Variants in TTLL11 observed in about 807,000 individuals in gnomAD.
TTLL11 encodes the protein tubulin tyrosine ligase like 11, also known as tubulin polyglutamylase TTLL11.
A neutral mutation model predicts 51.7 loss-of-function variants in TTLL11; 42 were observed. The ratio of observed to expected loss-of-function variants is 0.81; its 90% CI spans 0.64 to 1.05. The LOEUF (loss-of-function observed/expected upper bound fraction) is 1.05. TTLL11 is among the 50% of genes least tolerant of loss of function. The pLI, the probability that TTLL11 is intolerant of heterozygous loss-of-function variation, is 0.00. For missense variants in TTLL11, 799 were observed against 940.4 expected (o/e 0.85, Z 1.97); for synonymous variants, 381 against 383.5 (o/e 0.99, Z 0.08).
intron 6 of TTLL11, among the ~76,000 whole-genome samples, chr9:121,946,445 C>G (rs1841668440): frequency 1.3e-5 from 2 of 152,198 alleles, no homozygotes; most frequent in South Asian, 4.1e-4. Context: ...TCATGGCCGA[C>G]TAGGCAAAGC....
At chr9:121,839,985 C>A (rs1339609009) in intron 8 of TTLL11, among the ~76,000 whole-genome samples, 2 of 152,256 alleles carry the variant, frequency 1.3e-5, no homozygotes, top group East Asian at 3.9e-4. Context: ...AAGAATGTCA[C>A]GTTAGAGCAC....
rs1289685558 is a variant in TTLL11 at position 122,092,766 on chromosome 9, G to T, written c.383C>A (p.Pro128Gln). The change falls in exon 1 of 9, where the codon CCG becomes CAG. Residue 128 changes from proline (P) to glutamine (Q), a missense_variant. This residue lies in a region of TTLL11 where 468 missense variants were observed against 612.8 expected (regional missense o/e 0.76). Transcript: ENST00000321582. ...HGSGENGSQR[P>Q]VTVDSSKART... ...GGCCTTGGAGCTGTCCACGGTGACC[G>T]GCCGCTGGGAGCCGTTCTCGCCGGA... 2 of 1,538,514 alleles carry T rather than the reference G, an allele frequency of 1.3e-6. No homozygotes were observed. Among genetic ancestry groups the T allele is most frequent in the Non-Finnish European group, 1.7e-6 (2 of 1,147,970 alleles).
intron 4 of TTLL11, among the ~76,000 whole-genome samples, chr9:121,987,310 A>G (rs1247044880): frequency 1.3e-5 from 2 of 152,072 alleles, no homozygotes; most frequent in Non-Finnish European, 2.9e-5. Context: ...TTTTTCATAT[A>G]TATCAAATGC....
chr9:121,875,765 A>G (rs1196750768), intron 6 of TTLL11, among the ~76,000 whole-genome samples: 1 of 152,244 alleles, frequency 6.6e-6, no homozygotes, highest in Non-Finnish European at 1.5e-5. Flanking sequence ...ACTGGTAAAG[A>G]AAATATAAAT....
At chr9:121,904,895 A>G (rs1009927956) in intron 6 of TTLL11, among the ~76,000 whole-genome samples, 48 of 152,184 alleles carry the variant, frequency 3.2e-4, no homozygotes, top group African/African-American at 1.1e-3. Context: ...TGAGGCCACC[A>G]GCGTCTAGTT....
At chr9:121,865,159 C>T (rs1214763619) in intron 7 of TTLL11, among the ~76,000 whole-genome samples, 2 of 152,178 alleles carry the variant, frequency 1.3e-5, no homozygotes, top group Admixed American at 1.3e-4. Flanking sequence ...TTATCAAAGT[C>T]ACTGAGGAGT....
At chr9:121,929,340 T>C (rs56204833) in intron 6 of TTLL11, among the ~76,000 whole-genome samples, 11,693 of 151,636 alleles carry the variant, frequency 0.077, 658 homozygotes, top group African/African-American at 0.16. Context: ...CTCAGGAGGC[T>C]GAGGCAGGAA....
intron 6 of TTLL11, among the ~76,000 whole-genome samples, chr9:121,973,356 C>T (rs763057240): frequency 1.3e-5 from 2 of 152,160 alleles, no homozygotes; most frequent in Non-Finnish European, 2.9e-5. Context: ...GCAACTCTTA[C>T]CATGTCCTAG....
chr9:122,014,134 G>T (rs957784242), intron 3 of TTLL11, among the ~76,000 whole-genome samples: 21 of 152,142 alleles, frequency 1.4e-4, no homozygotes, highest in Admixed American at 2.6e-4. Flanking sequence ...GGAGGCAGAG[G>T]TGGGCAGATC....
At chr9:122,029,453 T>C (rs887006199) in intron 3 of TTLL11, among the ~76,000 whole-genome samples, 7 of 152,200 alleles carry the variant, frequency 4.6e-5, no homozygotes, top group African/African-American at 9.7e-5. Flanking sequence ...TGACCCCGTG[T>C]AGGCCTAGGC....
At chr9:121,971,703 CTT>C (rs995493434) in intron 6 of TTLL11, among the ~76,000 whole-genome samples, 30 of 126,908 alleles carry the variant, frequency 2.4e-4, no homozygotes, top group Admixed American at 1.7e-3. Flanking sequence ...ACATGGGAGA[CTT>C]TTCATTTTGT....
At chr9:121,979,676 C>G (rs1472957536) in intron 4 of TTLL11, among the ~76,000 whole-genome samples, 1 of 152,108 alleles carries the variant, frequency 6.6e-6, no homozygotes, top group Non-Finnish European at 1.5e-5. Flanking sequence ...AAACTTGCTC[C>G]TCTAATTCAT....
At chr9:121,940,512 AT>A (rs1267595547) in intron 6 of TTLL11, among the ~76,000 whole-genome samples, 1 of 151,896 alleles carries the variant, frequency 6.6e-6, no homozygotes, top group Non-Finnish European at 1.5e-5. Flanking sequence ...TAATTTTTGT[AT>A]TTTTAGTGGA....
At chr9:122,082,790 T>C (rs1180029003) in intron 1 of TTLL11, among the ~76,000 whole-genome samples, 1 of 152,126 alleles carries the variant, frequency 6.6e-6, no homozygotes, top group Non-Finnish European at 1.5e-5. Flanking sequence ...CTCAGCACTT[T>C]GGGAGGCTGA....
At chr9:121,988,725 C>T (rs1588180098) in intron 4 of TTLL11, among the ~76,000 whole-genome samples, 1 of 152,170 alleles carries the variant, frequency 6.6e-6, no homozygotes, top group Non-Finnish European at 1.5e-5. Flanking sequence ...TAAAACCCTC[C>T]ATAATCATTG....
intron 7 of TTLL11, among the ~76,000 whole-genome samples, chr9:121,866,490 T>C (rs984116824): frequency 2.0e-5 from 3 of 151,660 alleles, no homozygotes; most frequent in African/African-American, 7.3e-5. Context: ...TGAAACCCCA[T>C]CTCTACTAAA....
chr9:121,836,793 G>A (rs924395097), intron 8 of TTLL11, among the ~76,000 whole-genome samples: 4 of 152,196 alleles, frequency 2.6e-5, no homozygotes, highest in African/African-American at 9.6e-5. Flanking sequence ...AGGCAGGATA[G>A]GTTACAGGGT....
intron 6 of TTLL11, among the ~76,000 whole-genome samples, chr9:121,908,829 C>A (rs1840024051): frequency 6.6e-6 from 1 of 152,204 alleles, no homozygotes; most frequent in Non-Finnish European, 1.5e-5. Context: ...CTTGTAAGGA[C>A]TTTCTAAGGT....
At chr9:121,921,433 AT>A (rs1357092385) in intron 6 of TTLL11, among the ~76,000 whole-genome samples, 1 of 152,152 alleles carries the variant, frequency 6.6e-6, no homozygotes, top group Non-Finnish European at 1.5e-5. Context: ...ACTCCCGAGA[AT>A]CATGAGATTT....
Sources: gnomAD v4.1 joint callset for allele counts (sites outside exome capture counted in the v4.1 genomes callset) on GRCh38, gnomAD v4.1.1 for gene constraint, gnomAD v4.1.1 regional missense constraint, MANE v1.5 for transcripts, NCBI Gene and HGNC (gene_info 2026-07-23, HGNC 2026-07-21) for gene names.